Variants in NWD1 observed in about 807,000 individuals in gnomAD.
NWD1 encodes the protein NACHT domain- and WD repeat-containing protein 1.
Under a neutral mutation model 135.1 loss-of-function variants are expected in NWD1, and 129 were observed. The observed-to-expected ratio is 0.96, with a 90% CI of 0.83 to 1.11. NWD1 has a LOEUF of 1.11. Among genes scored for constraint, NWD1 ranks in the 50% least tolerant of loss-of-function variants. The probability of loss-of-function intolerance (pLI) is 0.00; values close to 1 mark genes in which losing one functional copy is unlikely to be tolerated. For missense variants in NWD1, 1,740 were observed against 1,851.3 expected, an observed-to-expected ratio of 0.94 and a Z score of 1.10; for synonymous variants, 773 against 786.0, an observed-to-expected ratio of 0.98 and a Z score of 0.28.
chr19:16,782,861 C>CTTCTTTCT (rs34577966), intron 12 of NWD1, among the ~76,000 whole-genome samples: 2 of 148,012 alleles, frequency 1.4e-5, no homozygotes, highest in East Asian at 2.0e-4. Flanking sequence ...CTTCCTTTTC[C>CTTCTTTCT]TTCTTTCTTT....
intron 2 of NWD1, among the ~76,000 whole-genome samples, chr19:16,726,719 G>GT (rs764425278): frequency 1.4e-4 from 22 of 152,208 alleles, no homozygotes; most frequent in Non-Finnish European, 2.8e-4. Context: ...GATTATAGGT[G>GT]TGAGCCACTG....
rs757039549 is a variant in NWD1, at chr19:16,807,786, C to G, written c.3937C>G (p.Arg1313Gly). The G allele has an allele frequency of 6.2e-7, 1 of 1,613,882 alleles. No homozygotes were observed. The highest frequency in any genetic ancestry group is 1.7e-5 in the Admixed American group (1 of 59,998). ...CATGTCCCTGAGCAAGTGCGAGGAC[C>G]GCCTGGCCATCGCCTATGACAACAT... ...NCMSLSKCEDRLAIAYDNIVL... is the reference protein window; with the variant it reads ...NCMSLSKCEDGLAIAYDNIVL... The change falls in exon 18 of 19, where the codon CGC becomes GGC. Residue 1313 changes from arginine (R) to glycine (G), a missense_variant. Physicochemically the swap from Arg to Gly is moderately radical, Grantham distance 125 (BLOSUM62 -2). Coordinates refer to ENST00000524140, the MANE Select transcript of NWD1 (RefSeq NM_001007525.5).
intron 7 of NWD1, among the ~76,000 whole-genome samples, chr19:16,760,229 CATTTTATTTT>C (rs59527287): frequency 0.022 from 3,153 of 143,880 alleles, 51 homozygotes; most frequent in African/African-American, 0.034. Context: ...TAAAATTCAC[CATTTTATTTT>C]ATTTTATTTT....
chr19:16,721,066 T>C (rs1967117286), intron 1 of NWD1, among the ~76,000 whole-genome samples: 1 of 152,060 alleles, frequency 6.6e-6, no homozygotes, highest in Non-Finnish European at 1.5e-5. Context: ...GCCAGGCTGG[T>C]CTCGAACTCC....
intron 12 of NWD1, among the ~76,000 whole-genome samples, chr19:16,787,828 C>G (rs975389492): frequency 7.3e-5 from 11 of 150,388 alleles, no homozygotes; most frequent in African/African-American, 2.7e-4. Flanking sequence ...CCACTGAACT[C>G]CAGCCTGGGT....
chr19:16,738,255 G>C, intron 4 of NWD1: 1 of 451,902 alleles, frequency 2.2e-6, no homozygotes, highest in Non-Finnish European at 4.5e-6. Context: ...GTCCTGGACA[G>C]TAAAGAGGGA....
intron 10 of NWD1, 123 bp from the exon 11 acceptor site, chr19:16,773,003 C>T (rs1299697197): frequency 8.9e-6 from 7 of 783,832 alleles, no homozygotes; most frequent in Non-Finnish European, 1.3e-5. Context: ...ACAGCAGAGG[C>T]CAGTAGCTGA....
At chr19:16,772,194 C>T (rs1485712179) in intron 10 of NWD1, among the ~76,000 whole-genome samples, 1 of 151,838 alleles carries the variant, frequency 6.6e-6, no homozygotes, top group African/African-American at 2.4e-5. Context: ...AACGAGACCC[C>T]GTCTCTACAA....
At chr19:16,804,667 A>T (rs1298364282) in intron 17 of NWD1, among the ~76,000 whole-genome samples, 2 of 151,922 alleles carry the variant, frequency 1.3e-5, no homozygotes, top group Non-Finnish European at 2.9e-5. Flanking sequence ...GGAGTCCAAG[A>T]TCAAGGTGCC....
At chr19:16,734,572 T>C (rs1266630656) in intron 3 of NWD1, among the ~76,000 whole-genome samples, 5 of 146,550 alleles carry the variant, frequency 3.4e-5, no homozygotes, top group African/African-American at 1.3e-4. Flanking sequence ...TTTTTTTTTC[T>C]TTTTTCTTTT....
At position 16,749,672 on chromosome 19, in the gene NWD1, G is replaced by C; in HGVS notation, c.1030G>C (p.Gly344Arg). 1 of 1,599,916 alleles carries C rather than the reference G, an allele frequency of 6.3e-7. No homozygotes were observed. Among genetic ancestry groups the C allele is most frequent in the Non-Finnish European group, 8.5e-7 (1 of 1,170,814 alleles). ...HTPLVLFGPPGIGKTALMCKL... is the reference protein window; with the variant it reads ...HTPLVLFGPPRIGKTALMCKL... Reference sequence around the variant, plus strand: ...CCCCCTGGTACTCTTTGGGCCCCCAGGCATTGGAAAGACAGCCCTGATGTG... The same window carrying C: ...CCCCCTGGTACTCTTTGGGCCCCCACGCATTGGAAAGACAGCCCTGATGTG... The change falls in exon 6 of 19, where the codon GGC becomes CGC. Residue 344 changes from glycine to arginine, a missense_variant. Gly to Arg is a moderately radical substitution (Grantham distance 125). Transcript: ENST00000524140.
At position 16,736,653 on chromosome 19, in the gene NWD1, G is replaced by A. The variant is rs1281358411; in HGVS notation, c.101G>A (p.Gly34Asp). Residue 34 changes from glycine to aspartate, a missense_variant, in exon 4 of 19, where the codon GGT (glycine) becomes GAT (aspartate). Coordinates refer to ENST00000524140, the MANE Select transcript of NWD1 (RefSeq NM_001007525.5). ...TCCCAGGTCGTTGATCTGAGGTGGG[G>A]TATTCGGAACATTGAAGCCACTGAC... ...LMFEVVDLRW[G>D]IRNIEATDHL... 12 of 1,534,926 alleles carry A rather than the reference G, an allele frequency of 7.8e-6. No homozygotes were observed. The highest frequency in any genetic ancestry group is 2.7e-5 in the African/African-American group (2 of 73,012).
In NWD1 at chr19:16,739,472, G is replaced by T. The variant is rs1278856617; in HGVS notation, c.198+2722G>T. On this transcript the variant is annotated intron_variant, in intron 4 of 18. Coordinates refer to ENST00000524140, the MANE Select transcript of NWD1 (RefSeq NM_001007525.5). ...CACAGTGCAGCTTTCTGATTGCACA[G>T]AGAACCTAGGGGTGATCTCTGAGCT... Among the ~76,000 whole-genome samples, 3 of 152,012 alleles carry T rather than the reference G, an allele frequency of 2.0e-5. No individual in the cohort carries two copies. The East Asian group carries it at 5.8e-4, about 29-fold the overall frequency.
rs1971060784 is a variant in NWD1, at chr19:16,816,064, C to T, written c.*1025C>T. On this transcript the variant is annotated 3_prime_UTR_variant, in exon 19 of 19. Transcript: ENST00000524140. Reference sequence around the variant, plus strand: ...ATTTCAGTCTGCAGAGCACAACCATCTCTTCCACAGGCACCACACTCAAAT... The same window carrying T: ...ATTTCAGTCTGCAGAGCACAACCATTTCTTCCACAGGCACCACACTCAAAT... The T allele has an allele frequency of 6.6e-6, 1 of 152,262 alleles. No individual in the cohort carries two copies. Among genetic ancestry groups the T allele is most frequent in the South Asian group, 2.1e-4 (1 of 4,834 alleles). 9.4% of individuals were successfully genotyped at this position (152,262 alleles called of 1,614,324 possible). A position where few individuals can be genotyped will look rare whatever the true frequency, so the allele number is the denominator to read the frequency against.
rs1403180827 is a variant in NWD1, at chr19:16,763,962, A to C, written c.2251+17A>C. On this transcript the variant is annotated intron_variant, in intron 9 of 18. Coordinates refer to ENST00000524140, the MANE Select transcript of NWD1 (RefSeq NM_001007525.5). ...AGGTTCTGGGTAAGGGCTGCCCCCC[A>C]TCTCAGAGGACCGAGCCTGGTGACT... The C allele has an allele frequency of 2.7e-6, 4 of 1,482,156 alleles. No individual in the cohort carries two copies. The highest frequency in any genetic ancestry group is 3.8e-6 in the Non-Finnish European group (4 of 1,059,816). 91.8% of individuals were successfully genotyped at this position (1,482,156 alleles called of 1,614,324 possible).
At chr19:16,737,036 C>T (rs1375385528) in intron 4 of NWD1, among the ~76,000 whole-genome samples, 1 of 151,940 alleles carries the variant, frequency 6.6e-6, no homozygotes, top group Non-Finnish European at 1.5e-5. Flanking sequence ...TCCCACCTTC[C>T]CCACCCCCTC....
chr19:16,811,957 A>G (rs1384220830), intron 18 of NWD1, among the ~76,000 whole-genome samples: 4 of 152,216 alleles, frequency 2.6e-5, no homozygotes, highest in African/African-American at 9.6e-5. Context: ...CGGAGGTTGC[A>G]GTGAGCCGAG....
chr19:16,742,961 G>A (rs2122764855), intron 4 of NWD1, among the ~76,000 whole-genome samples: 2 of 151,144 alleles, frequency 1.3e-5, no homozygotes, highest in Middle Eastern at 7.0e-3. Flanking sequence ...CGCCCAGGCT[G>A]GAGTGTAGTG....
chr19:16,763,087 C>T (rs1969083806), intron 8 of NWD1, among the ~76,000 whole-genome samples: 1 of 152,032 alleles, frequency 6.6e-6, no homozygotes, highest in Non-Finnish European at 1.5e-5. Context: ...ATTACCACAC[C>T]TAGCCTGGTG....
Sources: allele counts gnomAD v4.1 joint callset (sites outside exome capture counted in the v4.1 genomes callset), GRCh38; gene constraint gnomAD v4.1.1; transcripts MANE v1.5; gene names NCBI Gene and HGNC (gene_info 2026-07-23, HGNC 2026-07-21).